STRADB: variants seen among roughly 807,000 people sequenced by gnomAD.
The protein encoded by STRADB is STE20-related kinase adapter protein beta.
Under a neutral mutation model 52.1 loss-of-function variants are expected in STRADB, and 34 were observed. The ratio of observed to expected loss-of-function variants is 0.65; its 90% confidence interval spans 0.50 to 0.87. The LOEUF is 0.87. Ranked by LOEUF, STRADB falls within the 40% of genes least tolerant of loss-of-function variation. The pLI is 0.00. For synonymous variants in STRADB, 133 were observed against 174.5 expected, an observed-to-expected ratio of 0.76 and a Z score of 1.87; for missense variants, 340 against 483.9, an observed-to-expected ratio of 0.70 and a Z score of 2.79.
intron 3 of STRADB, among the ~76,000 whole-genome samples, chr2:201,467,942 C>T (rs1952328296): frequency 6.6e-6 from 1 of 151,036 alleles, no homozygotes; most frequent in Admixed American, 6.6e-5. Context: ...CTGGTATCCT[C>T]AATTTTGTAT....
intron 11 of STRADB, 87 bp from the exon 12 acceptor site, chr2:201,479,945 A>G (rs1235945131): frequency 2.1e-5 from 31 of 1,502,768 alleles, no homozygotes; most frequent in Admixed American, 5.1e-5. Context: ...CACATTTAAC[A>G]TAAATTCTTT....
rs1024267648 is a variant in STRADB, at chr2:201,480,343, C to T, written c.*168C>T. 53 of 1,458,224 alleles carry T rather than the reference C, an allele frequency of 3.6e-5. 1 individual carries two copies. Among genetic ancestry groups the T allele is most frequent in the Non-Finnish European group, 4.6e-5 (51 of 1,110,358 alleles). 90.3% of individuals were successfully genotyped at this position (1,458,224 alleles called of 1,614,324 possible). On this transcript the variant is annotated 3_prime_UTR_variant, in exon 12 of 12. Transcript: ENST00000194530. ...TTCAAAGGGGCACCAGTTTGTAGTCCCTCTGTTTCGCACAGAGTACTATGA... is the reference window on the plus strand; with the variant it reads ...TTCAAAGGGGCACCAGTTTGTAGTCTCTCTGTTTCGCACAGAGTACTATGA...
At chr2:201,478,243 A>G (rs1252510994) in intron 9 of STRADB, 52 bp downstream of exon 9, 1 of 1,590,998 alleles carries the variant, frequency 6.3e-7, no homozygotes, top group Non-Finnish European at 8.6e-7. Flanking sequence ...GACTGCTTAC[A>G]TTCTAGATAA....
chr2:201,479,481 A>C lies in STRADB; in HGVS notation c.1071-8A>C. 6.3e-6 allele frequency: 10 copies of C among 1,595,464 alleles called. No homozygotes were observed. Among genetic ancestry groups the C allele is most frequent in the Non-Finnish European group, 8.5e-6 (10 of 1,175,460 alleles). On this transcript the variant is annotated splice_region_variant and splice_polypyrimidine_tract_variant and intron_variant, in intron 10 of 11. Coordinates refer to ENST00000194530, the MANE Select transcript of STRADB (RefSeq NM_018571.6). ...GTTTTTTTTTTATAACTTTCTTAAA[A>C]ATTTCAGGCCATCAGCAAGCAGTTT...
At chr2:201,478,654 A>T (rs931860047) in intron 10 of STRADB, 53 bp downstream of exon 10, 2 of 1,571,432 alleles carry the variant, frequency 1.3e-6, no homozygotes, top group African/African-American at 2.7e-5. Context: ...TACATTTTAT[A>T]GAAGCTTTGT....
At position 201,454,823 on chromosome 2, in the gene STRADB, G is replaced by C; in HGVS notation, c.-18G>C. 1 of 1,602,972 alleles carries C rather than the reference G, an allele frequency of 6.2e-7. No individual in the cohort carries two copies. Among genetic ancestry groups the C allele is most frequent in the Non-Finnish European group, 8.5e-7 (1 of 1,175,148 alleles). On this transcript the variant is annotated 5_prime_UTR_variant, in exon 2 of 12. Coordinates refer to ENST00000194530, the MANE Select transcript of STRADB (RefSeq NM_018571.6). ...TAGATGGATTTTTGTCACTTTCTGT[G>C]TGAACTAAAGTGATTCAATGTCTCT...
At chr2:201,474,047 C>T (rs1226667616) in intron 5 of STRADB, among the ~76,000 whole-genome samples, 4 of 152,010 alleles carry the variant, frequency 2.6e-5, no homozygotes, top group Admixed American at 6.6e-5. Context: ...CCCACCACCA[C>T]GTCCAGCTAA....
chr2:201,480,167 G>T lies in STRADB; in HGVS notation c.1249G>T (p.Glu417Ter), dbSNP rs1342930687. The T allele has an allele frequency of 6.2e-7, 1 of 1,613,668 alleles. No homozygotes were observed. Among genetic ancestry groups the T allele is most frequent in the Non-Finnish European group, 8.5e-7 (1 of 1,179,714 alleles). ...TCCTGATGAAAAAGACTCATACTGGGAATTCTAGGGCTGCCAAATCATTTT... is the reference window on the plus strand; with the variant it reads ...TCCTGATGAAAAAGACTCATACTGGTAATTCTAGGGCTGCCAAATCATTTT... ...DFPDEKDSYW[E>*]F is the part of the protein sequence containing the mutation. Residue 417 changes from glutamate to a stop codon, truncating the protein, a stop_gained, in exon 12 of 12, where the codon GAA becomes TAA. Coordinates refer to ENST00000194530, the MANE Select transcript of STRADB (RefSeq NM_018571.6). LOFTEE classifies it high-confidence loss of function.
chr2:201,456,824 G>A (rs1952135508), intron 2 of STRADB, among the ~76,000 whole-genome samples: 1 of 152,216 alleles, frequency 6.6e-6, no homozygotes, highest in Admixed American at 6.5e-5. Context: ...TATGTGGGGT[G>A]AAGTTCAGAG....
At chr2:201,462,735 G>A (rs1952235024) in intron 3 of STRADB, among the ~76,000 whole-genome samples, 3 of 151,990 alleles carry the variant, frequency 2.0e-5, no homozygotes, top group African/African-American at 4.8e-5. Context: ...ATATCTTCTT[G>A]TACTATTTTG....
intron 7 of STRADB, among the ~76,000 whole-genome samples, chr2:201,476,291 TAA>T (rs780535326): frequency 2.0e-5 from 3 of 152,268 alleles, no homozygotes; most frequent in South Asian, 4.1e-4. Context: ...ACTTTTTAAT[TAA>T]GTTACTTTTA....
intron 1 of STRADB, among the ~76,000 whole-genome samples, chr2:201,452,942 T>C (rs1952070881): frequency 6.6e-6 from 1 of 152,258 alleles, no homozygotes; most frequent in African/African-American, 2.4e-5. Flanking sequence ...ATACGAAATA[T>C]AAGTCTCTTA....
Position 201,475,679 on chromosome 2 carries a change from G to A in STRADB, c.485G>A (p.Arg162Lys). The change falls in exon 7 of 12, where the codon AGA becomes AAA. Residue 162 changes from arginine to lysine, a missense_variant. By Grantham distance (26) the Arg-to-Lys change is conservative (BLOSUM62 2). Transcript: ENST00000194530. ...GAAGGAATGAGTGAAACTTTAATAAGAAACATTCTCTTTGGAGCCGTGAGA... is the reference window on the plus strand; with the variant it reads ...GAAGGAATGAGTGAAACTTTAATAAAAAACATTCTCTTTGGAGCCGTGAGA... ...FPEGMSETLI[R>K]NILFGAVRGL... 2 of 1,612,178 alleles carry A rather than the reference G, an allele frequency of 1.2e-6. No homozygotes were observed. Among genetic ancestry groups the A allele is most frequent in the Non-Finnish European group, 1.7e-6 (2 of 1,179,900 alleles).
chr2:201,473,173 T>A, intron 5 of STRADB, 97 bp downstream of exon 5: 1 of 1,046,230 alleles, frequency 9.6e-7, no homozygotes, highest in Non-Finnish European at 1.3e-6. Flanking sequence ...ATATATATTT[T>A]AAAATAAATA....
At chr2:201,460,767 G>C in intron 3 of STRADB, 1 of 364,850 alleles carries the variant, frequency 2.7e-6, no homozygotes, top group Non-Finnish European at 5.8e-6. Context: ...TTCATCTGTT[G>C]ATAGACACTT....
chr2:201,475,099 G>A lies in STRADB; in HGVS notation c.424+344G>A, dbSNP rs571972297. 3.3e-5 allele frequency among the ~76,000 whole-genome samples: 5 copies of A among 152,120 alleles called. No individual in the cohort carries two copies. The South Asian group carries it at 6.2e-4, about 19-fold the overall frequency. On this transcript the variant is annotated intron_variant, in intron 6 of 11. Coordinates refer to ENST00000194530, the MANE Select transcript of STRADB (RefSeq NM_018571.6). ...CCACCTCTGCCCCCCATCCCTGTCC[G>A]TTTCACTGCATTGTAAACTATTTCA...
chr2:201,477,904 A>C (rs890196715), intron 8 of STRADB, 114 bp downstream of exon 8: 1 of 1,340,076 alleles, frequency 7.5e-7, no homozygotes, highest in Non-Finnish European at 1.0e-6. Context: ...GCAAGACTTT[A>C]TTTCTCTTTC....
At chr2:201,474,100 C>T (rs1002660190) in intron 5 of STRADB, among the ~76,000 whole-genome samples, 4 of 152,062 alleles carry the variant, frequency 2.6e-5, no homozygotes, top group Admixed American at 2.6e-4. Flanking sequence ...CCGTGTTAGC[C>T]AGGATGGTCT....
rs528015593 is a variant in STRADB, at chr2:201,478,726, A to G, written c.1070+125A>G. 3 of 1,134,248 alleles carry G rather than the reference A, an allele frequency of 2.6e-6. No individual in the cohort carries two copies. In the East Asian group the frequency reaches 7.7e-5, roughly 29 times the overall value. 70.3% of individuals were successfully genotyped at this position (1,134,248 alleles called of 1,614,324 possible). On this transcript the variant is annotated intron_variant, in intron 10 of 11. Transcript: ENST00000194530. ...CAAAATATTGTCTGCTCTAGAAAAT[A>G]TCAATGCTAAGAACAATTAGTGGGA...
Sources: allele counts gnomAD v4.1 joint callset (sites outside exome capture counted in the v4.1 genomes callset), GRCh38; gene constraint gnomAD v4.1.1; transcripts MANE v1.5; gene names NCBI Gene and HGNC (gene_info 2026-07-23, HGNC 2026-07-21).